Variants in ITGB7 observed in about 807,000 individuals in gnomAD.
ITGB7 encodes the protein integrin beta-7.
ITGB7 carries 55 observed loss-of-function variants against 83.4 expected under a neutral mutation model. The ratio of observed to expected loss-of-function variants is 0.66; its 90% CI spans 0.53 to 0.83. ITGB7 has a LOEUF of 0.83. Among genes scored for constraint, ITGB7 ranks in the 40% least tolerant of loss-of-function variants. The probability of loss-of-function intolerance (pLI) is 0.00; values close to 1 mark genes in which losing one functional copy is unlikely to be tolerated. For synonymous variants in ITGB7, 454 were observed against 423.6 expected (o/e 1.07, Z -0.88); for missense variants, 921 against 1,046.7 (o/e 0.88, Z 1.66).
In ITGB7 at chr12:53,200,337, T is replaced by C; in HGVS notation, c.107A>G (p.Asn36Ser). The change falls in exon 3 of 16, where the codon AAT becomes AGT. Residue 36 changes from asparagine to serine, a missense_variant. Transcript: ENST00000267082. ...GGACCCCAGCATGGACAGGTGAGGATTCCGCCATTCTGTGGCATCCCCTGT... is the reference window on the plus strand; with the variant it reads ...GGACCCCAGCATGGACAGGTGAGGACTCCGCCATTCTGTGGCATCCCCTGT... Reference protein sequence around the residue: ...PSTGDATEWRNPHLSMLGSCQ... With the variant: ...PSTGDATEWRSPHLSMLGSCQ... The C allele has an allele frequency of 6.2e-7, 1 of 1,614,194 alleles. No homozygotes were observed. Among genetic ancestry groups the C allele is most frequent in the Non-Finnish European group, 8.5e-7 (1 of 1,180,040 alleles).
At position 53,205,879 on chromosome 12, in the gene ITGB7, C is replaced by T. The variant is rs536291786; in HGVS notation, c.-127+1323G>A. Among the ~76,000 whole-genome samples the T allele has an allele frequency of 3.9e-5, 6 of 152,304 alleles. No homozygotes were observed. The East Asian group carries it at 1.2e-3, about 29-fold the overall frequency. ...ACCTCAGGCGCCATATATAACGGAGCCTCCACCCCTCGGGGAGAGGCCAGT... is the reference window on the plus strand; with the variant it reads ...ACCTCAGGCGCCATATATAACGGAGTCTCCACCCCTCGGGGAGAGGCCAGT... On this transcript the variant is annotated intron_variant, in intron 1 of 15. Transcript: ENST00000267082.
At position 53,195,612 on chromosome 12, in the gene ITGB7, T is replaced by C. The variant is rs60681126; in HGVS notation, c.1071+14A>G. The C allele has an allele frequency of 2.7e-5, 43 of 1,606,760 alleles. No homozygotes were observed. Among genetic ancestry groups the C allele is most frequent in the East Asian group, 1.8e-4 (8 of 44,846 alleles). On this transcript the variant is annotated intron_variant, in intron 8 of 15. Coordinates refer to ENST00000267082, the MANE Select transcript of ITGB7 (RefSeq NM_000889.3). The stretch of plus-strand genomic sequence containing the variant: ...GGATGGGGCTGGGGGATCTGACATG[T>C]AGACAGCTCTCACCTGGTAGACAGG...
chr12:53,200,004 C>G (rs1352584640), intron 3 of ITGB7, among the ~76,000 whole-genome samples: 1 of 152,178 alleles, frequency 6.6e-6, no homozygotes, highest in Admixed American at 6.5e-5. Context: ...TATACACAAG[C>G]AAATGGATAC....
chr12:53,201,819 T>G (rs533397983), intron 1 of ITGB7, among the ~76,000 whole-genome samples: 1 of 152,198 alleles, frequency 6.6e-6, no homozygotes, highest in South Asian at 2.1e-4. Flanking sequence ...GAAGACAGCT[T>G]GAACCCAGTA....
At chr12:53,200,530 T>C in intron 2 of ITGB7, 84 bp from the exon 3 acceptor site, 2 of 1,171,104 alleles carry the variant, frequency 1.7e-6, no homozygotes, top group East Asian at 2.5e-5. Context: ...CTTGTGGTTA[T>C]CACTCTCAAA....
rs753390250 is a variant in ITGB7 at position 53,191,885 on chromosome 12, C to G, written c.2290G>C (p.Glu764Gln). The change falls in exon 15 of 16, where the codon GAG becomes CAG. Residue 764 changes from glutamate to glutamine, a missense_variant. Transcript: ENST00000267082. The stretch of plus-strand genomic sequence containing the variant: ...TGCTTCCAGTTGAGTTGTTGCTGCT[C>G]CTTCTCAAAGCGACTGTATTCCCGG... ...DRREYSRFEK[E>Q]QQQLNWKQDS... 3.1e-6 allele frequency: 5 copies of G among 1,613,284 alleles called. No homozygotes were observed. The highest frequency in any genetic ancestry group is 2.2e-5 in the East Asian group (1 of 44,882).
At chr12:53,203,241 T>C (rs186035861) in intron 1 of ITGB7, among the ~76,000 whole-genome samples, 1 of 152,194 alleles carries the variant, frequency 6.6e-6, no homozygotes, top group Non-Finnish European at 1.5e-5. Flanking sequence ...ACAACCCAAC[T>C]TTCAAAATGA....
intron 3 of ITGB7, among the ~76,000 whole-genome samples, chr12:53,199,247 C>T (rs1394855469): frequency 6.6e-6 from 1 of 152,242 alleles, no homozygotes; most frequent in Non-Finnish European, 1.5e-5. Context: ...CTCTGCTGCT[C>T]CATGAGTTCT....
intron 3 of ITGB7, 55 bp downstream of exon 3, chr12:53,200,188 T>C (rs1289585453): frequency 2.8e-6 from 4 of 1,452,894 alleles, no homozygotes; most frequent in Non-Finnish European, 2.9e-6. Context: ...TGCACATACA[T>C]ATACACATAC....
rs1201150309 is a variant in ITGB7, at chr12:53,193,819, T to C, written c.1391A>G (p.Glu464Gly). 3 of 1,614,032 alleles carry C rather than the reference T, an allele frequency of 1.9e-6. No individual in the cohort carries two copies. The highest frequency in any genetic ancestry group is 2.5e-6 in the Non-Finnish European group (3 of 1,180,010). The change falls in exon 11 of 16, where the codon GAG becomes GGG. Residue 464 changes from glutamate (E) to glycine (G), a missense_variant. Coordinates refer to ENST00000267082, the MANE Select transcript of ITGB7 (RefSeq NM_000889.3). Reference sequence around the variant, plus strand: ...CGTGTGCAACTCCACAATCAGCTCCTCTGAGAAGCCAAGGGCCCGGAGCCT... The same window carrying C: ...CGTGTGCAACTCCACAATCAGCTCCCCTGAGAAGCCAAGGGCCCGGAGCCT... ...LLRLRALGFS[E>G]ELIVELHTLC... is the part of the protein sequence containing the mutation.
In ITGB7 at chr12:53,192,691, C is replaced by T; in HGVS notation, c.1946G>A (p.Arg649Gln). 5.6e-6 allele frequency: 9 copies of T among 1,612,482 alleles called. No individual in the cohort carries two copies. The highest frequency in any genetic ancestry group is 6.8e-6 in the Non-Finnish European group (8 of 1,178,916). ...CAAGATGCAAGACCTGAGGCCTCACCGGTGTCTCTCGCATGGTGTCTTGCA... is the reference window on the plus strand; with the variant it reads ...CAAGATGCAAGACCTGAGGCCTCACTGGTGTCTCTCGCATGGTGTCTTGCA... Reference protein sequence around the residue: ...PGCKTPCERHRDCAECGAFRT... With the variant: ...PGCKTPCERHQDCAECGAFRT... The change falls in exon 13 of 16, where the codon CGG (arginine) becomes CAG (glutamine). Residue 649 changes from arginine (R) to glutamine (Q), a missense_variant and splice_region_variant. Coordinates refer to ENST00000267082, the MANE Select transcript of ITGB7 (RefSeq NM_000889.3).
rs1272611084 is a variant in ITGB7, at chr12:53,192,693, G to T, written c.1944C>A (p.His648Gln). The T allele has an allele frequency of 1.2e-6, 2 of 1,612,766 alleles. No homozygotes were observed. Residue 648 changes from histidine (H) to glutamine (Q), a missense_variant and splice_region_variant, in exon 13 of 16, where the codon CAC becomes CAA. Transcript: ENST00000267082. ...CPGCKTPCER[H>Q]RDCAECGAFR... ...AGATGCAAGACCTGAGGCCTCACCG[G>T]TGTCTCTCGCATGGTGTCTTGCAGC...
At chr12:53,195,329 C>T (rs761326644) in intron 9 of ITGB7, 45 bp downstream of exon 9, 2 of 1,431,678 alleles carry the variant, frequency 1.4e-6, no homozygotes, top group South Asian at 1.1e-5. Flanking sequence ...TTCCACCTTT[C>T]CCTAGTGCCC....
At chr12:53,197,116 G>A in intron 5 of ITGB7, 4 of 547,198 alleles carry the variant, frequency 7.3e-6, no homozygotes, top group Non-Finnish European at 1.3e-5. Context: ...AAGGAAATTT[G>A]AATAGAGGAG....
chr12:53,196,250 C>T, intron 6 of ITGB7, 51 bp from the exon 7 acceptor site: 1 of 1,587,268 alleles, frequency 6.3e-7, no homozygotes, highest in East Asian at 2.2e-5. Flanking sequence ...GGCCCTTGAG[C>T]CACCCCAGCC....
At chr12:53,194,523 G>A (rs1942089101) in intron 9 of ITGB7, 179 bp from the exon 10 acceptor site, 1 of 591,760 alleles carries the variant, frequency 1.7e-6, no homozygotes, top group South Asian at 2.0e-5. Context: ...ACCTTGCATA[G>A]AACATACAGG....
intron 9 of ITGB7, chr12:53,194,862 A>C (rs1942102570): frequency 3.0e-5 from 5 of 168,748 alleles, no homozygotes; most frequent in Admixed American, 2.7e-4. Flanking sequence ...GGTTCTTGTG[A>C]AGAATAGCTC....
chr12:53,200,224 A>C lies in ITGB7; in HGVS notation c.201+19T>G. ...ACATACACATACACATGGTTCAAAG[A>C]CCATAGGCCCATCTTTACCAGTTGC... On this transcript the variant is annotated intron_variant, in intron 3 of 15. Transcript: ENST00000267082. 1.9e-6 allele frequency: 3 copies of C among 1,607,758 alleles called. No individual in the cohort carries two copies. The highest frequency in any genetic ancestry group is 2.6e-6 in the Non-Finnish European group (3 of 1,174,774).
At chr12:53,197,173 T>A (rs1942193970) in intron 5 of ITGB7, 1 of 552,772 alleles carries the variant, frequency 1.8e-6, no homozygotes, top group African/African-American at 1.9e-5. Flanking sequence ...CTAGGTCTTG[T>A]CCAGGGAGAC....
Sources: allele counts gnomAD v4.1 joint callset (sites outside exome capture counted in the v4.1 genomes callset), GRCh38; gene constraint gnomAD v4.1.1; transcripts MANE v1.5; gene names NCBI Gene and HGNC (gene_info 2026-07-23, HGNC 2026-07-21).